The following RPRD1A variants were observed in gnomAD, a reference collection of about 807,000 sequenced individuals.
RPRD1A encodes regulation of nuclear pre-mRNA domain-containing protein 1A.
A neutral mutation model predicts 37.8 loss-of-function variants in RPRD1A; 9 were observed. The observed-to-expected ratio is 0.24, with a 90% confidence interval of 0.14 to 0.42. RPRD1A has a LOEUF of 0.42. RPRD1A is among the 10% of genes least tolerant of loss of function. The pLI, the probability that RPRD1A is intolerant of heterozygous loss-of-function variation, is 1.00. For missense variants in RPRD1A, 255 were observed against 371.0 expected, an observed-to-expected ratio of 0.69 and a Z score of 2.57; for synonymous variants, 138 against 139.7, an observed-to-expected ratio of 0.99 and a Z score of 0.08.
rs1359543093 is a variant in RPRD1A, at chr18:36,008,571, G to GTATGTATGTATGTA, written c.790-15272_790-15271insTACATACATACATA. Among the ~76,000 whole-genome samples, 9 of 27,938 alleles carry GTATGTATGTATGTA rather than the reference G, an allele frequency of 3.2e-4. 1 individual carries two copies. The highest frequency in any genetic ancestry group is 1.4e-3 in the African/African-American group (8 of 5,834). The allele number at this position is 27,938 out of a possible 152,430, so 18.3% of individuals were successfully genotyped here. ...AGCCTGGGCGACACAGCAAGACCTT[G>GTATGTATGTATGTA]TGTGTGTATATATATATATCTTTAA... On this transcript the variant is annotated intron_variant, in intron 6 of 6. Transcript: ENST00000399022.
chr18:36,047,122 C>G (rs967672100), intron 1 of RPRD1A, among the ~76,000 whole-genome samples: 1 of 151,916 alleles, frequency 6.6e-6, no homozygotes, highest in African/African-American at 2.4e-5. Context: ...TCAGGAGGCT[C>G]GCTTGAGCCC....
At chr18:36,035,968 G>C (rs1216176671) in intron 1 of RPRD1A, among the ~76,000 whole-genome samples, 1 of 152,130 alleles carries the variant, frequency 6.6e-6, no homozygotes, top group Non-Finnish European at 1.5e-5. Flanking sequence ...CATGGGTACA[G>C]AGTCTCAGTT....
chr18:36,043,074 G>A (rs1912696000), intron 1 of RPRD1A, among the ~76,000 whole-genome samples: 2 of 151,112 alleles, frequency 1.3e-5, no homozygotes, highest in South Asian at 4.2e-4. Flanking sequence ...TTCTGCAGCT[G>A]TTCAAAAATG....
intron 1 of RPRD1A, 56 bp downstream of exon 1, chr18:36,067,198 G>T: frequency 6.6e-7 from 1 of 1,504,064 alleles, no homozygotes; most frequent in Non-Finnish European, 8.9e-7. Context: ...GGTTCCCGGG[G>T]GCGCCTGGAG....
chr18:36,058,730 CT>C (rs1233108252), intron 1 of RPRD1A, among the ~76,000 whole-genome samples: 1 of 152,174 alleles, frequency 6.6e-6, no homozygotes, highest in African/African-American at 2.4e-5. Flanking sequence ...AGCCAACAGT[CT>C]GTGGATTCCA....
intron 4 of RPRD1A, among the ~76,000 whole-genome samples, chr18:36,029,651 C>A: frequency 6.8e-6 from 1 of 146,692 alleles, no homozygotes. Flanking sequence ...AAAAGTCTTT[C>A]TGGAATTAAT....
Position 36,030,875 on chromosome 18 carries a change from T to G in RPRD1A, c.419A>C (p.Tyr140Ser). Residue 140 changes from tyrosine to serine, a missense_variant, in exon 4 of 7, where the codon TAT becomes TCT. Coordinates refer to ENST00000399022, the MANE Select transcript of RPRD1A (RefSeq NM_018170.5). ...ATTTTCATCCACCTTTATCTGTTCA[T>G]AAGTTCGCTTCCTAGGCTTCTTATC... ...YGDKKPRKRT[Y>S]EQIKVDENEN... 6.2e-7 allele frequency: 1 copy of G among 1,613,394 alleles called. No homozygotes were observed.
At chr18:36,040,645 G>A (rs1782719628) in intron 1 of RPRD1A, among the ~76,000 whole-genome samples, 2 of 152,120 alleles carry the variant, frequency 1.3e-5, no homozygotes, top group South Asian at 4.1e-4. Context: ...CAATAGGCAA[G>A]GAAAGAAGAA....
rs994197817 is a variant in RPRD1A at position 36,062,340 on chromosome 18, A to C, written c.151+4914T>G. 1.5e-4 allele frequency among the ~76,000 whole-genome samples: 23 copies of C among 150,980 alleles called. 1 individual carries two copies. The highest frequency in any genetic ancestry group is 3.1e-4 in the Non-Finnish European group (21 of 67,656). On this transcript the variant is annotated intron_variant, in intron 1 of 6. Coordinates refer to ENST00000399022, the MANE Select transcript of RPRD1A (RefSeq NM_018170.5). ...CTCCGTCTCAAAAAAAAAAAAAAAA[A>C]AAAAAAAACATGTACCCACTGTGGA...
chr18:36,022,156 C>T (rs1292196853), intron 6 of RPRD1A, among the ~76,000 whole-genome samples: 2 of 152,222 alleles, frequency 1.3e-5, no homozygotes, highest in Non-Finnish European at 2.9e-5. Context: ...GGCCCAAACG[C>T]TCTTCAATTC....
intron 1 of RPRD1A, among the ~76,000 whole-genome samples, chr18:36,062,374 T>C (rs1175423611): frequency 6.9e-6 from 1 of 144,470 alleles, no homozygotes; most frequent in Non-Finnish European, 1.5e-5. Context: ...GAAAATAGCC[T>C]GGTGGATCCT....
At position 36,031,231 on chromosome 18, in the gene RPRD1A, G is replaced by A. The variant is rs996428150; in HGVS notation, c.282-134C>T. On this transcript the variant is annotated intron_variant, in intron 2 of 6. Coordinates refer to ENST00000399022, the MANE Select transcript of RPRD1A (RefSeq NM_018170.5). ...AAAAAACTGTCCAAATGTCTACTTA[G>A]CATCACTATGTGGCCAGCAGCTCAA... is the stretch of plus-strand genomic sequence containing the variant. 7 of 1,108,834 alleles carry A rather than the reference G, an allele frequency of 6.3e-6. No individual in the cohort carries two copies. In the African/African-American group the frequency reaches 6.4e-5, roughly 10 times the overall value. The allele number at this position is 1,108,834 out of a possible 1,614,324, so 68.7% of individuals were successfully genotyped here. A position where few individuals can be genotyped will look rare whatever the true frequency, so the allele number is the denominator to read the frequency against.
intron 1 of RPRD1A, among the ~76,000 whole-genome samples, chr18:36,038,515 C>G (rs1912358793): frequency 6.6e-6 from 1 of 152,250 alleles, no homozygotes; most frequent in South Asian, 2.1e-4. Context: ...AGGCAAAAGT[C>G]TGTTGCAGAG....
At chr18:36,064,489 A>T (rs2088981592) in intron 1 of RPRD1A, 1 of 152,294 alleles carries the variant, frequency 6.6e-6, no homozygotes. Context: ...TGTCTAGCTC[A>T]AGGTTTGTAA....
chr18:36,019,428 G>A (rs756066248), intron 6 of RPRD1A, among the ~76,000 whole-genome samples: 1 of 152,086 alleles, frequency 6.6e-6, no homozygotes, highest in Non-Finnish European at 1.5e-5. Flanking sequence ...TTCTAAAGAG[G>A]AGTGTGATGG....
At chr18:36,018,374 C>T (rs1305504763) in intron 6 of RPRD1A, among the ~76,000 whole-genome samples, 2 of 151,716 alleles carry the variant, frequency 1.3e-5, no homozygotes, top group African/African-American at 2.4e-5. Context: ...CCTGGGTTCA[C>T]GCCATTCTCC....
At position 35,993,074 on chromosome 18, in the gene RPRD1A, A is replaced by T. The variant is rs1908805696; in HGVS notation, c.*77T>A. The stretch of plus-strand genomic sequence containing the variant: ...TGTTTCTTTCTCAACAATATACAAA[A>T]ATAACACTACAGGACTATCCACCTA... On this transcript the variant is annotated 3_prime_UTR_variant, in exon 7 of 7. Coordinates refer to ENST00000399022, the MANE Select transcript of RPRD1A (RefSeq NM_018170.5). 1.6e-6 allele frequency: 2 copies of T among 1,216,166 alleles called. No homozygotes were observed. Among genetic ancestry groups the T allele is most frequent in the Non-Finnish European group, 2.2e-6 (2 of 906,654 alleles). 75.3% of individuals were successfully genotyped at this position (1,216,166 alleles called of 1,614,324 possible).
At chr18:36,006,672 C>A (rs1418754416) in intron 6 of RPRD1A, among the ~76,000 whole-genome samples, 1 of 152,180 alleles carries the variant, frequency 6.6e-6, no homozygotes, top group African/African-American at 2.4e-5. Context: ...AAGGGAGTCC[C>A]CCATCCCCCA....
Position 36,027,178 on chromosome 18 carries a change from T to G in RPRD1A, c.613+6A>C. 6.2e-7 allele frequency: 1 copy of G among 1,613,780 alleles called. No individual in the cohort carries two copies. Among genetic ancestry groups the G allele is most frequent in the Non-Finnish European group, 8.5e-7 (1 of 1,179,764 alleles). On this transcript the variant is annotated splice_donor_region_variant and intron_variant, in intron 5 of 6. Transcript: ENST00000399022. Reference sequence around the variant, plus strand: ...AAAAGTTCTGGATCACATTTTCTTTTCTTACCTGTTATTTTATCTAATAGA... The same window carrying G: ...AAAAGTTCTGGATCACATTTTCTTTGCTTACCTGTTATTTTATCTAATAGA...
Sources: gnomAD v4.1 joint callset for allele counts (sites outside exome capture counted in the v4.1 genomes callset) on GRCh38, gnomAD v4.1.1 for gene constraint, MANE v1.5 for transcripts, NCBI Gene and HGNC (gene_info 2026-07-23, HGNC 2026-07-21) for gene names.